RNF180: variants seen among roughly 807,000 people sequenced by gnomAD.
RNF180 encodes the protein E3 ubiquitin-protein ligase RNF180.
A neutral mutation model predicts 59.2 loss-of-function variants in RNF180; 38 were observed. The ratio of observed to expected loss-of-function variants is 0.64; its 90% CI spans 0.50 to 0.84. RNF180 has a LOEUF of 0.84. Ranked by LOEUF, RNF180 falls within the 40% of genes least tolerant of loss-of-function variation. The probability of loss-of-function intolerance (pLI) is 0.00; values close to 1 mark genes in which losing one functional copy is unlikely to be tolerated. For missense variants in RNF180, 705 were observed against 700.9 expected, an observed-to-expected ratio of 1.01 and a Z score of -0.07; for synonymous variants, 262 against 240.3, an observed-to-expected ratio of 1.09 and a Z score of -0.84.
intron 5 of RNF180, among the ~76,000 whole-genome samples, chr5:64,230,642 C>A (rs1340071070): frequency 6.6e-6 from 1 of 152,158 alleles, no homozygotes; most frequent in Non-Finnish European, 1.5e-5. Flanking sequence ...AATCTTAATT[C>A]CCCACTGCCA....
chr5:64,275,357 T>C (rs1261845470), intron 5 of RNF180, among the ~76,000 whole-genome samples: 2 of 148,474 alleles, frequency 1.3e-5, no homozygotes, highest in East Asian at 4.1e-4. Context: ...TTATTTTTCA[T>C]ATGCCTGACA....
chr5:64,285,623 C>T (rs1394278156), intron 5 of RNF180, among the ~76,000 whole-genome samples: 1 of 152,140 alleles, frequency 6.6e-6, no homozygotes, highest in Admixed American at 6.5e-5. Flanking sequence ...CCCGGGAGCA[C>T]CATGGTTGGG....
chr5:64,167,083 C>T (rs1242712850), intron 1 of RNF180, among the ~76,000 whole-genome samples: 1 of 152,186 alleles, frequency 6.6e-6, no homozygotes. Flanking sequence ...TGTCTTTTAT[C>T]TGTCAGACTT....
chr5:64,297,583 A>G (rs1348850157), intron 5 of RNF180, among the ~76,000 whole-genome samples: 1 of 152,068 alleles, frequency 6.6e-6, no homozygotes, highest in East Asian at 1.9e-4. Context: ...CATGATACCA[A>G]CTATAGTCTC....
chr5:64,316,466 C>T (rs980987771), intron 5 of RNF180, among the ~76,000 whole-genome samples: 4 of 152,132 alleles, frequency 2.6e-5, no homozygotes, highest in Admixed American at 6.6e-5. Context: ...TTGCAGAGGA[C>T]AATGTGTGGT....
chr5:64,242,468 T>C (rs1742863521), intron 5 of RNF180, among the ~76,000 whole-genome samples: 1 of 151,654 alleles, frequency 6.6e-6, no homozygotes, highest in Non-Finnish European at 1.5e-5. Context: ...CCTCAGAAAA[T>C]ACAGAGAAAC....
intron 5 of RNF180, among the ~76,000 whole-genome samples, chr5:64,227,553 C>T (rs1227797811): frequency 6.6e-6 from 1 of 152,190 alleles, no homozygotes; most frequent in Non-Finnish European, 1.5e-5. Flanking sequence ...GAAAGGGGCC[C>T]CTCCATTTGT....
At chr5:64,295,006 A>T (rs1243384139) in intron 5 of RNF180, among the ~76,000 whole-genome samples, 3 of 152,300 alleles carry the variant, frequency 2.0e-5, no homozygotes, top group African/African-American at 7.2e-5. Context: ...CTTGTCCTGT[A>T]ACAAAAATAG....
At chr5:64,360,277 T>C in intron 7 of RNF180, among the ~76,000 whole-genome samples, 1 of 151,812 alleles carries the variant, frequency 6.6e-6, no homozygotes, top group Admixed American at 6.6e-5. Flanking sequence ...AATCAATAAA[T>C]GTAATCCAGC....
At chr5:64,206,860 A>G (rs1325764101) in intron 2 of RNF180, among the ~76,000 whole-genome samples, 1 of 152,144 alleles carries the variant, frequency 6.6e-6, no homozygotes, top group Non-Finnish European at 1.5e-5. Context: ...GAGCCAGAAC[A>G]TGCTGGCACC....
At position 64,249,092 on chromosome 5, in the gene RNF180, C is replaced by T. The variant is rs184494856; in HGVS notation, c.1227+31696C>T. On this transcript the variant is annotated intron_variant, in intron 5 of 7. Transcript: ENST00000389100. Reference sequence around the variant, plus strand: ...ACACAGGCAGGGTAACATCACACACCGGGGCCTGTCAGGAGAGGGTGGCTA... The same window carrying T: ...ACACAGGCAGGGTAACATCACACACTGGGGCCTGTCAGGAGAGGGTGGCTA... Among the ~76,000 whole-genome samples, 232 of 152,126 alleles carry T rather than the reference C, an allele frequency of 1.5e-3. 1 individual carries two copies. The highest frequency in any genetic ancestry group is 5.3e-3 in the African/African-American group (220 of 41,516).
rs72752869 is a variant in RNF180 at position 64,367,606 on chromosome 5, T to G, written c.1580-2009T>G. Among the ~76,000 whole-genome samples the G allele has an allele frequency of 3.3e-3, 506 of 151,792 alleles. 3 individuals carry two copies. Among genetic ancestry groups the G allele is most frequent in the Admixed American group, 5.3e-3 (81 of 15,178 alleles). On this transcript the variant is annotated intron_variant, in intron 7 of 7. Transcript: ENST00000389100. ...TAAACTTAATACATAAAAAATAGGA[T>G]AGTTCTTGATTAAAGAGATTTGACT...
intron 7 of RNF180, among the ~76,000 whole-genome samples, chr5:64,339,189 T>A (rs1745257919): frequency 6.6e-6 from 1 of 152,104 alleles, no homozygotes; most frequent in Admixed American, 6.5e-5. Flanking sequence ...ATTACCAAAT[T>A]TGAGAATTGT....
chr5:64,283,712 T>A (rs1742132517), intron 5 of RNF180, among the ~76,000 whole-genome samples: 1 of 152,186 alleles, frequency 6.6e-6, no homozygotes, highest in East Asian at 1.9e-4. Context: ...TTGCTTCCCC[T>A]TTGCCTTCTG....
intron 5 of RNF180, among the ~76,000 whole-genome samples, chr5:64,272,676 A>G (rs1330712630): frequency 1.3e-5 from 2 of 152,062 alleles, no homozygotes; most frequent in African/African-American, 2.4e-5. Context: ...GAAGTAGTCC[A>G]AGTGAGAGAG....
At chr5:64,248,135 G>A (rs750348017) in intron 5 of RNF180, among the ~76,000 whole-genome samples, 49 of 152,130 alleles carry the variant, frequency 3.2e-4, no homozygotes, top group Admixed American at 1.2e-3. Flanking sequence ...CTAAACGTAA[G>A]ACCTAAAACC....
At chr5:64,243,544 C>G (rs1742924955) in intron 5 of RNF180, among the ~76,000 whole-genome samples, 1 of 152,216 alleles carries the variant, frequency 6.6e-6, no homozygotes, top group Admixed American at 6.5e-5. Context: ...GATTCCTTCT[C>G]ACTGGACAGG....
intron 5 of RNF180, among the ~76,000 whole-genome samples, chr5:64,230,967 T>C (rs1332739166): frequency 6.6e-6 from 1 of 152,194 alleles, no homozygotes; most frequent in Non-Finnish European, 1.5e-5. Flanking sequence ...ATCAGATTGG[T>C]CCATTGGGTC....
rs9291809 is a variant in RNF180, at chr5:64,370,453, T to G, written c.*639T>G. 0.61 allele frequency: 91,390 copies of G among 150,744 alleles called. 28,507 individuals are homozygous for G. Among genetic ancestry groups the G allele is most frequent in the East Asian group, 0.79 (3,997 of 5,086 alleles). The allele number at this position is 150,744 out of a possible 1,614,324, so 9.3% of individuals were successfully genotyped here. ...AATCCCTACCAATAAACACTTTAGC[T>G]AGCTATAAACACTTTCCAGATTGAA... On this transcript the variant is annotated 3_prime_UTR_variant, in exon 8 of 8. Transcript: ENST00000389100.
Sources: allele counts gnomAD v4.1 joint callset (sites outside exome capture counted in the v4.1 genomes callset), GRCh38; gene constraint gnomAD v4.1.1; transcripts MANE v1.5; gene names NCBI Gene and HGNC (gene_info 2026-07-23, HGNC 2026-07-21).